The following NRCAM variants were observed in gnomAD, a reference collection of about 807,000 sequenced individuals.
NRCAM encodes NgCAM-related cell adhesion molecule.
NRCAM carries 83 observed loss-of-function variants against 156.5 expected under a neutral mutation model. That is an observed-to-expected ratio of 0.53 (90% CI 0.44 to 0.64). NRCAM has a LOEUF of 0.64. Among genes scored for constraint, NRCAM ranks in the 30% least tolerant of loss-of-function variants. The probability of loss-of-function intolerance (pLI) is 0.00; values close to 1 mark genes in which losing one functional copy is unlikely to be tolerated. For missense variants in NRCAM, 1,417 were observed against 1,597.3 expected, an observed-to-expected ratio of 0.89 and a Z score of 1.92; for synonymous variants, 538 against 563.9, an observed-to-expected ratio of 0.95 and a Z score of 0.65.
intron 1 of NRCAM, among the ~76,000 whole-genome samples, chr7:108,445,670 T>TAAGTAACTTTTCCA (rs1843394219): frequency 1.3e-5 from 2 of 152,188 alleles, no homozygotes; most frequent in African/African-American, 4.8e-5. Flanking sequence ...AAAAGTTACT[T>TAAGTAACTTTTCCA]AAGTAACTTT....
intron 13 of NRCAM, among the ~76,000 whole-genome samples, chr7:108,201,593 A>G (rs1373698058): frequency 6.6e-6 from 1 of 152,216 alleles, no homozygotes; most frequent in Non-Finnish European, 1.5e-5. Flanking sequence ...AATAATAATA[A>G]TAATGTTACA....
At chr7:108,403,174 T>C (rs1359845250) in intron 1 of NRCAM, among the ~76,000 whole-genome samples, 3 of 152,234 alleles carry the variant, frequency 2.0e-5, no homozygotes, top group African/African-American at 7.2e-5. Context: ...TGACAGTTAA[T>C]ATTTCTCTAA....
In NRCAM at chr7:108,232,533, C is replaced by A; in HGVS notation, c.231-11G>T. On this transcript the variant is annotated splice_polypyrimidine_tract_variant and intron_variant, in intron 6 of 32. Coordinates refer to ENST00000379028, the MANE Select transcript of NRCAM (RefSeq NM_001037132.4). ...CGGGTCCAGGAAAAGCTGCCCAACA[C>A]ACGAAGTGTTAAGTGTATTAATGGT... 1.9e-6 allele frequency: 3 copies of A among 1,600,544 alleles called. No individual in the cohort carries two copies. In the South Asian group the frequency reaches 3.4e-5, roughly 18 times the overall value.
rs1173432375 is a variant in NRCAM, at chr7:108,194,257, C to T, written c.1630+5G>A. ...TAAAAATTAAACACATTACCTCTGC[C>T]TTACCTTTGATTTCTAAGTGAACTT... is the stretch of plus-strand genomic sequence containing the variant. On this transcript the variant is annotated splice_donor_5th_base_variant and intron_variant, in intron 16 of 32. Transcript: ENST00000379028. 1 of 1,611,550 alleles carries T rather than the reference C, an allele frequency of 6.2e-7. No individual in the cohort carries two copies. Among genetic ancestry groups the T allele is most frequent in the Non-Finnish European group, 8.5e-7 (1 of 1,178,162 alleles).
intron 2 of NRCAM, among the ~76,000 whole-genome samples, chr7:108,392,046 T>C (rs181931859): frequency 1.1e-3 from 172 of 152,318 alleles, no homozygotes; most frequent in African/African-American, 3.9e-3. Context: ...CTGACAATTA[T>C]GTGTCTTGGA....
chr7:108,222,136 C>T (rs902357826), intron 11 of NRCAM, among the ~76,000 whole-genome samples: 9 of 152,054 alleles, frequency 5.9e-5, no homozygotes, highest in Admixed American at 2.0e-4. Flanking sequence ...ATTGATATTT[C>T]CTTATAGTCA....
At chr7:108,305,748 C>T (rs981260362) in intron 3 of NRCAM, among the ~76,000 whole-genome samples, 1 of 152,120 alleles carries the variant, frequency 6.6e-6, no homozygotes, top group Admixed American at 6.5e-5. Flanking sequence ...TCAAGGCAAA[C>T]CAAGAAAATG....
chr7:108,393,829 A>G (rs1043292991), intron 2 of NRCAM, among the ~76,000 whole-genome samples: 1 of 152,218 alleles, frequency 6.6e-6, no homozygotes, highest in Non-Finnish European at 1.5e-5. Flanking sequence ...GAAGATAGGT[A>G]ATCCCATCCT....
intron 2 of NRCAM, among the ~76,000 whole-genome samples, chr7:108,337,848 G>A (rs1469076141): frequency 6.6e-6 from 1 of 152,146 alleles, no homozygotes; most frequent in Non-Finnish European, 1.5e-5. Flanking sequence ...AACATTTAGC[G>A]ACCACGAAGG....
Position 108,231,154 on chromosome 7 carries a change from C to A in NRCAM, c.428-1G>T. 6.4e-7 allele frequency: 1 copy of A among 1,567,574 alleles called. No individual in the cohort carries two copies. The highest frequency in any genetic ancestry group is 8.6e-7 in the Non-Finnish European group (1 of 1,164,822). ...TTTTCTTTGGTCCACAATGGTGATC[C>A]TATTAAATAAAAAAATAACTTCTCA... On this transcript the variant is annotated splice_acceptor_variant, in intron 7 of 32. Transcript: ENST00000379028. LOFTEE classifies it high-confidence loss of function.
intron 2 of NRCAM, among the ~76,000 whole-genome samples, chr7:108,334,202 T>C (rs763365065): frequency 6.6e-6 from 1 of 152,166 alleles, no homozygotes; most frequent in Non-Finnish European, 1.5e-5. Context: ...TTTTAAATGG[T>C]TGCATTGTTA....
At chr7:108,391,292 T>G (rs2154375909) in intron 2 of NRCAM, among the ~76,000 whole-genome samples, 1 of 152,282 alleles carries the variant, frequency 6.6e-6, no homozygotes, top group South Asian at 2.1e-4. Context: ...GATAGTTAGC[T>G]CTTCTTGTTG....
At chr7:108,176,780 T>C in intron 26 of NRCAM, 174 bp from the exon 27 acceptor site, 1 of 568,596 alleles carries the variant, frequency 1.8e-6, no homozygotes, top group Non-Finnish European at 3.1e-6. Flanking sequence ...TCCTATGCTA[T>C]GTTCTATCAT....
intron 2 of NRCAM, among the ~76,000 whole-genome samples, chr7:108,346,239 C>T (rs570281660): frequency 1.1e-4 from 16 of 152,194 alleles, no homozygotes; most frequent in South Asian, 8.3e-4. Flanking sequence ...TTACGGATGA[C>T]GAAACTTTGG....
chr7:108,433,894 A>C (rs1174703171), intron 1 of NRCAM, among the ~76,000 whole-genome samples: 5 of 152,248 alleles, frequency 3.3e-5, no homozygotes, highest in Non-Finnish European at 7.3e-5. Flanking sequence ...TATGTGTTTC[A>C]AATGTATTCC....
At chr7:108,292,473 C>G (rs984789658) in intron 3 of NRCAM, among the ~76,000 whole-genome samples, 3 of 152,152 alleles carry the variant, frequency 2.0e-5, no homozygotes, top group African/African-American at 7.2e-5. Context: ...CTTACTAACT[C>G]AGGAGTATGT....
intron 11 of NRCAM, among the ~76,000 whole-genome samples, chr7:108,213,069 G>C (rs1198010039): frequency 1.3e-5 from 2 of 152,186 alleles, no homozygotes; most frequent in Non-Finnish European, 2.9e-5. Context: ...CTACAAGCTA[G>C]AAGGGATTGG....
intron 2 of NRCAM, among the ~76,000 whole-genome samples, chr7:108,365,061 A>G (rs1310953922): frequency 6.6e-6 from 1 of 152,238 alleles, no homozygotes; most frequent in Non-Finnish European, 1.5e-5. Flanking sequence ...CAGTAATTAC[A>G]TACCTACAAG....
intron 1 of NRCAM, among the ~76,000 whole-genome samples, chr7:108,417,114 T>C (rs1479031213): frequency 6.6e-6 from 1 of 152,200 alleles, no homozygotes; most frequent in East Asian, 1.9e-4. Flanking sequence ...TTTTGCAACA[T>C]AACACGCTTC....
Sources: allele counts gnomAD v4.1 joint callset (sites outside exome capture counted in the v4.1 genomes callset), GRCh38; gene constraint gnomAD v4.1.1; transcripts MANE v1.5; gene names NCBI Gene and HGNC (gene_info 2026-07-23, HGNC 2026-07-21).